PDE7A: variants seen among roughly 807,000 people sequenced by gnomAD.
PDE7A encodes phosphodiesterase 7A.
Under a neutral mutation model 64.3 loss-of-function variants are expected in PDE7A, and 39 were observed. The ratio of observed to expected loss-of-function variants is 0.61; its 90% CI spans 0.47 to 0.79. The LOEUF is 0.79. Ranked by LOEUF, PDE7A falls within the 30% of genes least tolerant of loss-of-function variation. The pLI, the probability that PDE7A is intolerant of heterozygous loss-of-function variation, is 0.00. For missense variants in PDE7A, 470 were observed against 582.8 expected (o/e 0.81, Z 1.99); for synonymous variants, 203 against 206.8 (o/e 0.98, Z 0.16).
rs1020548695 is a variant in PDE7A at position 65,716,591 on chromosome 8, C to T, written c.*2699G>A. ...GCAACTTGCTTCCCTTGCTCAGAAT[C>T]CATGCTCACCAGCTGCTCATAATTT... On this transcript the variant is annotated 3_prime_UTR_variant, in exon 13 of 13. Coordinates refer to ENST00000401827, the MANE Select transcript of PDE7A (RefSeq NM_001242318.3). 2.6e-5 allele frequency among the ~76,000 whole-genome samples: 4 copies of T among 152,110 alleles called. No individual in the cohort carries two copies. Among genetic ancestry groups the T allele is most frequent in the African/African-American group, 9.7e-5 (4 of 41,418 alleles).
chr8:65,819,121 G>A (rs1269253039), intron 1 of PDE7A, among the ~76,000 whole-genome samples: 2 of 152,212 alleles, frequency 1.3e-5, no homozygotes, highest in African/African-American at 4.8e-5. Flanking sequence ...GTAAGGGTGG[G>A]TGTAAGGGCT....
intron 3 of PDE7A, among the ~76,000 whole-genome samples, chr8:65,767,226 T>C (rs1412623685): frequency 6.6e-6 from 1 of 152,152 alleles, no homozygotes; most frequent in African/African-American, 2.4e-5. Context: ...AGCATGAACC[T>C]CAGATTTTTG....
intron 1 of PDE7A, among the ~76,000 whole-genome samples, chr8:65,800,926 G>C (rs975053915): frequency 6.6e-6 from 1 of 152,128 alleles, no homozygotes; most frequent in Non-Finnish European, 1.5e-5. Flanking sequence ...GCAAGCTATT[G>C]CAGCTAACAT....
In PDE7A at chr8:65,719,383, C is replaced by G; in HGVS notation, c.1356G>C (p.Lys452Asn). Reference sequence around the variant, plus strand: ...TGCTCGACTGTTCTCTCTGCAGTCCCTTCCAGCTGGCTTTATTCAGCCCCA... The same window carrying G: ...TGCTCGACTGTTCTCTCTGCAGTCCGTTCCAGCTGGCTTTATTCAGCCCCA... ...GHVGLNKASWKGLQREQSSSE... is the reference protein window; with the variant it reads ...GHVGLNKASWNGLQREQSSSE... The change falls in exon 13 of 13, where the codon AAG becomes AAC. Residue 452 changes from lysine (K) to asparagine (N), a missense_variant. Lys to Asn is a moderately conservative substitution (Grantham distance 94). Coordinates refer to ENST00000401827, the MANE Select transcript of PDE7A (RefSeq NM_001242318.3). 1.9e-6 allele frequency: 3 copies of G among 1,614,056 alleles called. No individual in the cohort carries two copies. The highest frequency in any genetic ancestry group is 2.5e-6 in the Non-Finnish European group (3 of 1,179,898).
chr8:65,745,876 G>C (rs531560756), intron 4 of PDE7A, among the ~76,000 whole-genome samples: 80 of 151,946 alleles, frequency 5.3e-4, no homozygotes, highest in African/African-American at 1.9e-3. Context: ...TCCAGGTACT[G>C]TTATAAGTTA....
rs1316342775 is a variant in PDE7A at position 65,762,403 on chromosome 8, T to C, written c.284-14600A>G. Among the ~76,000 whole-genome samples, 5 of 152,270 alleles carry C rather than the reference T, an allele frequency of 3.3e-5. No individual in the cohort carries two copies. The East Asian group carries it at 9.7e-4, about 29-fold the overall frequency. ...AGGTGTCTGCAGCAATGGTCATTAG[T>C]AGAGCAGCACGTGCTGACATGGAGA... On this transcript the variant is annotated intron_variant, in intron 3 of 12. Coordinates refer to ENST00000401827, the MANE Select transcript of PDE7A (RefSeq NM_001242318.3).
chr8:65,729,633 G>A (rs1279199302), intron 7 of PDE7A, among the ~76,000 whole-genome samples: 4 of 151,844 alleles, frequency 2.6e-5, no homozygotes, highest in East Asian at 1.9e-4. Context: ...GTGCGATCTC[G>A]GCTCACTGCA....
chr8:65,798,580 C>T (rs76798921), intron 1 of PDE7A, among the ~76,000 whole-genome samples: 1 of 151,958 alleles, frequency 6.6e-6, no homozygotes, highest in East Asian at 1.9e-4. Flanking sequence ...TTTAAACAGA[C>T]GAGTCACAAT....
intron 5 of PDE7A, among the ~76,000 whole-genome samples, 167 bp downstream of exon 5, chr8:65,745,240 G>A (rs1807620960): frequency 6.6e-6 from 1 of 152,156 alleles, no homozygotes; most frequent in Non-Finnish European, 1.5e-5. Flanking sequence ...CAATTACCCA[G>A]TCTCGGGTAT....
chr8:65,718,460 G>A lies in PDE7A; in HGVS notation c.*830C>T, dbSNP rs1806234747. 1 of 152,166 alleles carries A rather than the reference G, an allele frequency of 6.6e-6. No homozygotes were observed. The highest frequency in any genetic ancestry group is 6.5e-5 in the Admixed American group (1 of 15,270). The allele number at this position is 152,166 out of a possible 1,614,324, so 9.4% of individuals were successfully genotyped here. A position where few individuals can be genotyped will look rare whatever the true frequency, so the allele number is the denominator to read the frequency against. ...AACATTCCACCTTTTTCTCGCATGT[G>A]CAGGTCAAGTGTACAGTAGTGAAAA... On this transcript the variant is annotated 3_prime_UTR_variant, in exon 13 of 13. Coordinates refer to ENST00000401827, the MANE Select transcript of PDE7A (RefSeq NM_001242318.3).
At chr8:65,729,846 G>A (rs1806775070) in intron 7 of PDE7A, among the ~76,000 whole-genome samples, 1 of 152,038 alleles carries the variant, frequency 6.6e-6, no homozygotes, top group Non-Finnish European at 1.5e-5. Context: ...TGGAATCACA[G>A]GCATAAGCCA....
At chr8:65,733,667 A>G (rs1806999448) in intron 7 of PDE7A, among the ~76,000 whole-genome samples, 1 of 152,120 alleles carries the variant, frequency 6.6e-6, no homozygotes, top group Non-Finnish European at 1.5e-5. Flanking sequence ...ATTTGTCAAA[A>G]CCGTACACAT....
At chr8:65,812,983 T>C (rs1810292905) in intron 1 of PDE7A, among the ~76,000 whole-genome samples, 1 of 151,984 alleles carries the variant, frequency 6.6e-6, no homozygotes, top group South Asian at 2.1e-4. Flanking sequence ...TGAACCCTCA[T>C]TATCTGGACT....
intron 1 of PDE7A, among the ~76,000 whole-genome samples, chr8:65,791,871 A>G (rs150780322): frequency 6.6e-6 from 1 of 152,296 alleles, no homozygotes; most frequent in East Asian, 1.9e-4. Flanking sequence ...CATAAACCTA[A>G]TGGCTGTAAG....
intron 1 of PDE7A, among the ~76,000 whole-genome samples, chr8:65,829,694 GT>G (rs921161709): frequency 7.2e-5 from 11 of 152,094 alleles, no homozygotes; most frequent in African/African-American, 2.7e-4. Context: ...TTTCTAAAAT[GT>G]TGGGAATGGA....
intron 3 of PDE7A, among the ~76,000 whole-genome samples, chr8:65,757,230 G>C (rs938186351): frequency 6.6e-6 from 1 of 152,268 alleles, no homozygotes; most frequent in South Asian, 2.1e-4. Flanking sequence ...GAGAAGGTCA[G>C]AGAAATTGTT....
chr8:65,762,888 G>A (rs1808576370), intron 3 of PDE7A, among the ~76,000 whole-genome samples: 1 of 151,944 alleles, frequency 6.6e-6, no homozygotes, highest in African/African-American at 2.4e-5. Context: ...TATAATCCCA[G>A]CATTATGGGA....
At chr8:65,780,436 C>T (rs1343705707) in intron 2 of PDE7A, among the ~76,000 whole-genome samples, 1 of 152,164 alleles carries the variant, frequency 6.6e-6, no homozygotes, top group Non-Finnish European at 1.5e-5. Flanking sequence ...TTAGCTGAGT[C>T]TTAAACTTTG....
chr8:65,804,889 G>A lies in PDE7A; in HGVS notation c.139-22046C>T, dbSNP rs114532550. Among the ~76,000 whole-genome samples the A allele has an allele frequency of 7.0e-3, 1,071 of 152,178 alleles. 12 individuals carry two copies. The highest frequency in any genetic ancestry group is 0.025 in the African/African-American group (1,025 of 41,508). On this transcript the variant is annotated intron_variant, in intron 1 of 12. Coordinates refer to ENST00000401827, the MANE Select transcript of PDE7A (RefSeq NM_001242318.3). Reference sequence around the variant, plus strand: ...ATCTTGCTCTGTCACCCAAGCTGGAGTACAGTAGTGTGATCAAGGCTCACT... The same window carrying A: ...ATCTTGCTCTGTCACCCAAGCTGGAATACAGTAGTGTGATCAAGGCTCACT...
Sources: allele counts gnomAD v4.1 joint callset (sites outside exome capture counted in the v4.1 genomes callset), GRCh38; gene constraint gnomAD v4.1.1; transcripts MANE v1.5; gene names NCBI Gene and HGNC (gene_info 2026-07-23, HGNC 2026-07-21).